Variants in LRRC49 observed in about 807,000 individuals in gnomAD.
LRRC49 encodes the protein leucine rich repeat containing 49, also known as leucine-rich repeat-containing protein 49.
In LRRC49, 50 loss-of-function variants were observed where a neutral mutation model predicts 83.3. That is an observed-to-expected ratio of 0.60 (90% CI 0.48 to 0.76). The LOEUF (loss-of-function observed/expected upper bound fraction) is 0.76. Ranked by LOEUF, LRRC49 falls within the 30% of genes least tolerant of loss-of-function variation. The pLI is 0.00. For synonymous variants in LRRC49, 286 were observed against 283.3 expected, an observed-to-expected ratio of 1.01 and a Z score of -0.10; for missense variants, 704 against 809.1, an observed-to-expected ratio of 0.87 and a Z score of 1.58.
intron 8 of LRRC49, among the ~76,000 whole-genome samples, chr15:70,961,140 A>G (rs555817373): frequency 1.2e-3 from 185 of 152,330 alleles, no homozygotes; most frequent in Middle Eastern, 3.4e-3. Context: ...CAAAGAAGAT[A>G]CATGGATGGC....
chr15:70,945,519 C>CTGTGTG (rs749607668), intron 8 of LRRC49, among the ~76,000 whole-genome samples: 24,673 of 135,664 alleles, frequency 0.18, 2,248 homozygotes, highest in East Asian at 0.23. Flanking sequence ...ATTTAACAAC[C>CTGTGTG]TGTGTGTGTG....
At chr15:70,936,474 T>G in intron 7 of LRRC49, 1 of 308,286 alleles carries the variant, frequency 3.2e-6, no homozygotes, top group South Asian at 1.4e-4. Context: ...AGTAGCATTT[T>G]GGCATCTTTC....
At chr15:70,892,310 G>T (rs1193594909), upstream of LRRC49, 9 of 1,550,530 alleles carry the variant, frequency 5.8e-6, no homozygotes, top group South Asian at 1.2e-5. Context: ...GGGTTCCCTG[G>T]ACCTTCGCCC....
intron 2 of LRRC49, among the ~76,000 whole-genome samples, chr15:70,881,048 A>AC (rs1054751215): frequency 7.2e-5 from 11 of 152,104 alleles, no homozygotes; most frequent in Admixed American, 6.6e-4. Flanking sequence ...ATGTAGTGAG[A>AC]CCCCATCTTT....
At chr15:70,857,346 C>T (rs2032678381) in intron 1 of LRRC49, among the ~76,000 whole-genome samples, 1 of 152,000 alleles carries the variant, frequency 6.6e-6, no homozygotes, top group African/African-American at 2.4e-5. Context: ...GAAGTTGGGA[C>T]AAGGCTAAGC....
chr15:70,986,248 G>T (rs2037611939), intron 11 of LRRC49, among the ~76,000 whole-genome samples: 1 of 152,046 alleles, frequency 6.6e-6, no homozygotes, highest in Non-Finnish European at 1.5e-5. Flanking sequence ...TCATGATATT[G>T]ATTCTTCCTA....
At chr15:70,897,521 T>C (rs1320690875) in intron 3 of LRRC49, among the ~76,000 whole-genome samples, 3 of 152,214 alleles carry the variant, frequency 2.0e-5, no homozygotes, top group Non-Finnish European at 4.4e-5. Context: ...TCTTGACTTT[T>C]GTACTCAAAT....
At chr15:70,914,976 G>T (rs994250213) in intron 6 of LRRC49, among the ~76,000 whole-genome samples, 3 of 152,108 alleles carry the variant, frequency 2.0e-5, no homozygotes, top group Non-Finnish European at 4.4e-5. Flanking sequence ...AGACTATATT[G>T]GGACACTCTC....
intron 6 of LRRC49, 138 bp downstream of exon 6, chr15:70,911,736 C>A: frequency 1.8e-6 from 1 of 566,236 alleles, no homozygotes; most frequent in Non-Finnish European, 3.1e-6. Context: ...AGGTATCAAG[C>A]TTATTTATAG....
At chr15:70,947,146 G>A (rs2036038163) in intron 8 of LRRC49, among the ~76,000 whole-genome samples, 1 of 152,106 alleles carries the variant, frequency 6.6e-6, no homozygotes, top group Non-Finnish European at 1.5e-5. Flanking sequence ...GGGATTATGA[G>A]TGATGCCAGT....
chr15:70,872,812 T>G, intron 1 of LRRC49: 1 of 205,700 alleles, frequency 4.9e-6, no homozygotes, highest in South Asian at 9.7e-5. Flanking sequence ...AAGAGGACGT[T>G]TTCTCCAAGA....
At chr15:71,012,762 G>T in intron 13 of LRRC49, 42 bp from the exon 14 acceptor site, 1 of 1,068,320 alleles carries the variant, frequency 9.4e-7, no homozygotes, top group South Asian at 1.3e-5. Context: ...TCAGCTAAGA[G>T]TTGGTGTCAT....
At chr15:70,934,545 T>TA (rs1172328568) in intron 7 of LRRC49, among the ~76,000 whole-genome samples, 1 of 152,184 alleles carries the variant, frequency 6.6e-6, no homozygotes, top group Non-Finnish European at 1.5e-5. Flanking sequence ...TAAAATTTGA[T>TA]AAAGACGTAA....
intron 1 of LRRC49, chr15:70,893,156 CA>C (rs2033662279): frequency 4.8e-6 from 3 of 618,584 alleles, no homozygotes; most frequent in Non-Finnish European, 8.6e-6. Context: ...CTGGGCTCCC[CA>C]GAAGGTGGAG....
chr15:71,008,545 T>C lies in LRRC49; in HGVS notation c.1336T>C (p.Phe446Leu), dbSNP rs916261466. ...AGCAGGAATGATCACAACAGTCTCC[T>C]TCACTTTCATAGAATTTGATGAAAT... ...QTAGMITTVS[F>L]TFIEFDEIVQ... Residue 446 changes from phenylalanine to leucine, a missense_variant, in exon 12 of 16, where the codon TTC becomes CTC. By Grantham distance (22) the Phe-to-Leu change is conservative (BLOSUM62 0). This residue lies in a region of LRRC49 where 275 missense variants were observed against 338.0 expected (regional missense o/e 0.81). Coordinates refer to ENST00000260382, the MANE Select transcript of LRRC49 (RefSeq NM_017691.5). 3 of 1,612,618 alleles carry C rather than the reference T, an allele frequency of 1.9e-6. No individual in the cohort carries two copies. Among genetic ancestry groups the C allele is most frequent in the Non-Finnish European group, 2.5e-6 (3 of 1,179,144 alleles).
chr15:70,919,870 G>C (rs2034942948), intron 7 of LRRC49, among the ~76,000 whole-genome samples: 1 of 152,070 alleles, frequency 6.6e-6, no homozygotes, highest in African/African-American at 2.4e-5. Flanking sequence ...TCGATTGTGG[G>C]GGCAAAACTA....
intron 9 of LRRC49, among the ~76,000 whole-genome samples, chr15:70,971,894 T>A (rs2141210046): frequency 6.6e-6 from 1 of 151,500 alleles, no homozygotes; most frequent in Admixed American, 6.6e-5. Flanking sequence ...GTGAGATGGG[T>A]CTGCTGAATA....
At chr15:70,966,486 G>A (rs529308903) in intron 9 of LRRC49, among the ~76,000 whole-genome samples, 13 of 152,000 alleles carry the variant, frequency 8.6e-5, no homozygotes, top group Non-Finnish European at 1.8e-4. Flanking sequence ...AATCAGTATC[G>A]AACAGGAAAT....
At chr15:70,906,180 T>A (rs1033350811) in intron 5 of LRRC49, among the ~76,000 whole-genome samples, 3 of 146,110 alleles carry the variant, frequency 2.1e-5, no homozygotes, top group Non-Finnish European at 4.5e-5. Context: ...CACTGCAACC[T>A]CTGCCTCCCG....
Sources: gnomAD v4.1 joint callset for allele counts (sites outside exome capture counted in the v4.1 genomes callset) on GRCh38, gnomAD v4.1.1 for gene constraint, gnomAD v4.1.1 regional missense constraint, MANE v1.5 for transcripts, NCBI Gene and HGNC (gene_info 2026-07-23, HGNC 2026-07-21) for gene names.